Variants in EFCAB8 observed in about 807,000 individuals in gnomAD.
The protein encoded by EFCAB8 is EF-hand calcium-binding domain-containing protein 8.
Under a neutral mutation model 116.3 loss-of-function variants are expected in EFCAB8, and 100 were observed. The ratio of observed to expected loss-of-function variants is 0.86; its 90% CI spans 0.73 to 1.02. The LOEUF is 1.02. Among genes scored for constraint, EFCAB8 ranks in the 50% least tolerant of loss-of-function variants. EFCAB8 has a pLI of 0.00. For missense variants in EFCAB8, 1,320 were observed against 1,416.9 expected (o/e 0.93, Z 1.10); for synonymous variants, 558 against 567.9 (o/e 0.98, Z 0.25).
At chr20:32,877,717 G>A (rs1985053306) in intron 4 of EFCAB8, among the ~76,000 whole-genome samples, 1 of 152,226 alleles carries the variant, frequency 6.6e-6, no homozygotes, top group African/African-American at 2.4e-5. Flanking sequence ...CAGCAGCTGG[G>A]CAGTGGAATG....
chr20:32,908,259 T>G lies in EFCAB8; in HGVS notation c.1309-16T>G. On this transcript the variant is annotated splice_polypyrimidine_tract_variant and intron_variant, in intron 13 of 26. Coordinates refer to ENST00000400522, the MANE Select transcript of EFCAB8 (RefSeq NM_001143967.2). ...GAGACCCATGCTCAGCGTCTTGCCT[T>G]TTTCCCATCCCCCAGAATATTCGCG... 8.0e-7 allele frequency: 1 copy of G among 1,249,786 alleles called. No homozygotes were observed. The allele number at this position is 1,249,786 out of a possible 1,614,324, so 77.4% of individuals were successfully genotyped here.
intron 2 of EFCAB8, 28 bp downstream of exon 2, chr20:32,863,862 A>G: frequency 1.9e-6 from 3 of 1,550,798 alleles, no homozygotes; most frequent in Non-Finnish European, 2.6e-6. Flanking sequence ...CTGAACTAAT[A>G]AAGGGTGGGG....
In EFCAB8 at chr20:32,953,935, C is replaced by T. The variant is rs570604366; in HGVS notation, c.2960-4486C>T. Among the ~76,000 whole-genome samples, 10 of 152,182 alleles carry T rather than the reference C, an allele frequency of 6.6e-5. No individual in the cohort carries two copies. In the South Asian group the frequency reaches 1.9e-3, roughly 28 times the overall value. On this transcript the variant is annotated intron_variant, in intron 23 of 26. Transcript: ENST00000400522. ...AAGCGATCCTCCTGCCTCAGCCTCC[C>T]GAGTAGCTGGGCTTACAGGCCCACC...
intron 6 of EFCAB8, 47 bp from the exon 7 acceptor site, chr20:32,889,254 C>T (rs1192033893): frequency 7.3e-6 from 11 of 1,505,424 alleles, no homozygotes; most frequent in Non-Finnish European, 9.9e-6. Context: ...GCTGCACTGG[C>T]CTGAGTATGC....
At chr20:32,901,054 C>G (rs1986403849) in intron 11 of EFCAB8, among the ~76,000 whole-genome samples, 1 of 152,232 alleles carries the variant, frequency 6.6e-6, no homozygotes, top group South Asian at 2.1e-4. Flanking sequence ...TAGACAAGTC[C>G]TGGAGCTCCC....
At chr20:32,868,901 C>T (rs1197139424) in intron 3 of EFCAB8, among the ~76,000 whole-genome samples, 1 of 151,996 alleles carries the variant, frequency 6.6e-6, no homozygotes, top group Non-Finnish European at 1.5e-5. Context: ...AAGAGAATCG[C>T]TTGAATCTGG....
At chr20:32,879,633 G>A (rs148377080) in intron 5 of EFCAB8, among the ~76,000 whole-genome samples, 246 of 152,264 alleles carry the variant, frequency 1.6e-3, no homozygotes, top group South Asian at 4.8e-3. Context: ...TCAATGGAGG[G>A]TGGAAAGCTG....
rs1030250223 is a variant in EFCAB8 at position 32,911,541 on chromosome 20, C to T, written c.1619C>T (p.Thr540Met). The T allele has an allele frequency of 2.1e-5, 32 of 1,528,206 alleles. No homozygotes were observed. Among genetic ancestry groups the T allele is most frequent in the Middle Eastern group, 1.7e-4 (1 of 5,900 alleles). 94.7% of individuals were successfully genotyped at this position (1,528,206 alleles called of 1,614,324 possible). A position where few individuals can be genotyped will look rare whatever the true frequency, so the allele number is the denominator to read the frequency against. ...SVWEVVTGRK[T>M]MEFAVSGGQH... ...TGGGAGGTCGTGACGGGCAGGAAGACGATGGAGTTTGCTGTGTCTGGGGGC... is the reference window on the plus strand; with the variant it reads ...TGGGAGGTCGTGACGGGCAGGAAGATGATGGAGTTTGCTGTGTCTGGGGGC... The change falls in exon 16 of 27, where the codon ACG becomes ATG. Residue 540 changes from threonine to methionine, a missense_variant. Thr to Met is a moderately conservative substitution (Grantham distance 81). Coordinates refer to ENST00000400522, the MANE Select transcript of EFCAB8 (RefSeq NM_001143967.2).
intron 14 of EFCAB8, 67 bp from the exon 15 acceptor site, chr20:32,909,754 G>C: frequency 1.2e-6 from 1 of 818,470 alleles, no homozygotes; most frequent in East Asian, 3.4e-5. Flanking sequence ...AGTTTTTCCC[G>C]GCAGCCCATC....
rs1568917454 is a variant in EFCAB8, at chr20:32,898,620, C to T, written c.1085C>T (p.Pro362Leu). 1 of 718,548 alleles carries T rather than the reference C, an allele frequency of 1.4e-6. No individual in the cohort carries two copies. The highest frequency in any genetic ancestry group is 2.7e-5 in the East Asian group (1 of 37,276). The allele number at this position is 718,548 out of a possible 1,614,324, so 44.5% of individuals were successfully genotyped here. A position where few individuals can be genotyped will look rare whatever the true frequency, so the allele number is the denominator to read the frequency against. ...TILPAKASKKPRLSVLRLRKG... is the reference protein window; with the variant it reads ...TILPAKASKKLRLSVLRLRKG... ...TTGCCAGCCAAAGCCTCTAAGAAAC[C>T]CAGGTAAGAAGTGCTTCTCTCCTGG... Residue 362 changes from proline to leucine, a missense_variant, in exon 11 of 27, where the codon CCC becomes CTC. Pro to Leu is a moderately conservative substitution (Grantham distance 98). Transcript: ENST00000400522.
intron 17 of EFCAB8, among the ~76,000 whole-genome samples, chr20:32,916,743 T>G (rs1987207836): frequency 6.6e-6 from 1 of 152,168 alleles, no homozygotes; most frequent in South Asian, 2.1e-4. Flanking sequence ...ATATTAATAC[T>G]TTCATTTATA....
At position 32,931,322 on chromosome 20, in the gene EFCAB8, T is replaced by C. The variant is rs1441758068; in HGVS notation, c.2776T>C (p.Leu926=). The C allele has an allele frequency of 5.2e-6, 8 of 1,545,404 alleles. No homozygotes were observed. Among genetic ancestry groups the C allele is most frequent in the Middle Eastern group, 1.7e-4 (1 of 5,960 alleles). ...LGTNFPHYIP[L]EDKEVVAGHT... ...GACCAACTTCCCACACTACATTCCC[T>C]TGGAGGATAAAGAGGTAGGAGGATT... The change falls in exon 22 of 27, where the codon TTG becomes CTG. Residue 926 remains leucine (L), a synonymous_variant. Coordinates refer to ENST00000400522, the MANE Select transcript of EFCAB8 (RefSeq NM_001143967.2).
chr20:32,913,903 C>A (rs1330837172), intron 17 of EFCAB8, among the ~76,000 whole-genome samples: 1 of 152,238 alleles, frequency 6.6e-6, no homozygotes, highest in Non-Finnish European at 1.5e-5. Flanking sequence ...GCTGGGGTGG[C>A]AATTCTGCCC....
chr20:32,882,906 A>G (rs1327664974), intron 5 of EFCAB8, among the ~76,000 whole-genome samples: 10 of 151,916 alleles, frequency 6.6e-5, no homozygotes. Flanking sequence ...CATGTTAGCC[A>G]GGATAGTCTC....
rs377328304 is a variant in EFCAB8 at position 32,896,482 on chromosome 20, A to G, written c.912A>G (p.Lys304=). ...WDHWIKVSLQ[K]LLNEKSALHR... ...ACTGGATCAAAGTTTCCTTGCAGAA[A>G]CTCTTAAATGAGAAGTCTGCTTTGC... Residue 304 remains lysine (K), a synonymous_variant, in exon 10 of 27, where the codon AAA becomes AAG. Transcript: ENST00000400522. The G allele has an allele frequency of 4.0e-5, 29 of 718,564 alleles. No homozygotes were observed. In the Admixed American group the frequency reaches 4.2e-4, roughly 10 times the overall value. 44.5% of individuals were successfully genotyped at this position (718,564 alleles called of 1,614,324 possible).
chr20:32,959,909 C>A lies in EFCAB8; in HGVS notation c.3221C>A (p.Ser1074Tyr). ...AAGCTGCAGAAGATGGCCCTGATGT[C>A]CCCGTGGGCCGGAGAGCGCCCCCTG... Reference protein sequence around the residue: ...WAKLQKMALMSPWAGERPLED... With the variant: ...WAKLQKMALMYPWAGERPLED... Residue 1074 changes from serine to tyrosine, a missense_variant, in exon 25 of 27, where the codon TCC (serine) becomes TAC (tyrosine). Ser to Tyr is a moderately radical substitution (Grantham distance 144, BLOSUM62 -2). Coordinates refer to ENST00000400522, the MANE Select transcript of EFCAB8 (RefSeq NM_001143967.2). The A allele has an allele frequency of 6.4e-7, 1 of 1,551,636 alleles. No homozygotes were observed. The highest frequency in any genetic ancestry group is 8.7e-7 in the Non-Finnish European group (1 of 1,146,954).
At chr20:32,959,533 G>A (rs6058973) in intron 24 of EFCAB8, among the ~76,000 whole-genome samples, 1 of 152,202 alleles carries the variant, frequency 6.6e-6, no homozygotes, top group Non-Finnish European at 1.5e-5. Flanking sequence ...TCGGGTGTCA[G>A]GTCTGCATGG....
rs928813445 is a variant in EFCAB8, at chr20:32,858,979, T to A, written c.-38T>A. The A allele has an allele frequency of 6.4e-6, 3 of 470,768 alleles. No individual in the cohort carries two copies. Among genetic ancestry groups the A allele is most frequent in the African/African-American group, 6.0e-5 (3 of 49,874 alleles). The allele number at this position is 470,768 out of a possible 1,614,324, so 29.2% of individuals were successfully genotyped here. On this transcript the variant is annotated 5_prime_UTR_variant, in exon 1 of 27. Transcript: ENST00000400522. ...ACTTTGCCAGACTTTGCCAGCAAGA[T>A]TAACTGAGGAGATCAAATTGAGTCA... is the stretch of plus-strand genomic sequence containing the variant.
intron 3 of EFCAB8, among the ~76,000 whole-genome samples, chr20:32,870,544 G>T (rs753084509): frequency 1.1e-4 from 17 of 152,062 alleles, no homozygotes; most frequent in Non-Finnish European, 1.8e-4. Flanking sequence ...GGTTGCCCAG[G>T]CTGGAGTGGA....
Sources: gnomAD v4.1 joint callset for allele counts (sites outside exome capture counted in the v4.1 genomes callset) on GRCh38, gnomAD v4.1.1 for gene constraint, MANE v1.5 for transcripts, NCBI Gene and HGNC (gene_info 2026-07-23, HGNC 2026-07-21) for gene names.